Variants in PPP1R17 observed in about 807,000 individuals in gnomAD.
The protein encoded by PPP1R17 is G-substrate.
Under a neutral mutation model 15.9 loss-of-function variants are expected in PPP1R17, and 12 were observed. The observed-to-expected ratio is 0.75, with a 90% CI of 0.48 to 1.22. The LOEUF is 1.22. Among genes scored for constraint, PPP1R17 ranks in the 50% most tolerant of loss-of-function variants. PPP1R17 has a pLI of 0.00. For synonymous variants in PPP1R17, 63 were observed against 64.5 expected, an observed-to-expected ratio of 0.98 and a Z score of 0.11; for missense variants, 211 against 187.3, an observed-to-expected ratio of 1.13 and a Z score of -0.74.
rs1792400544 is a variant in PPP1R17, at chr7:31,692,519, C to G, written c.78C>G (p.His26Gln). Reference sequence around the variant, plus strand: ...ACAAGCTAGACCCTCGTTGCAGCCACTTAGGTAAACAAATGATCGATTGTG... The same window carrying G: ...ACAAGCTAGACCCTCGTTGCAGCCAGTTAGGTAAACAAATGATCGATTGTG... ...RLDKLDPRCS[H>Q]LDDLSDQFIK... is the part of the protein sequence containing the mutation. The change falls in exon 2 of 5, where the codon CAC (histidine) becomes CAG (glutamine). Residue 26 changes from histidine (H) to glutamine (Q), a missense_variant. By Grantham distance (24) the His-to-Gln change is conservative. Transcript: ENST00000342032. 1 of 1,595,836 alleles carries G rather than the reference C, an allele frequency of 6.3e-7. No individual in the cohort carries two copies. Among genetic ancestry groups the G allele is most frequent in the Non-Finnish European group, 8.6e-7 (1 of 1,163,632 alleles).
intron 4 of PPP1R17, among the ~76,000 whole-genome samples, chr7:31,698,801 G>A (rs1792722859): frequency 6.6e-6 from 1 of 152,156 alleles, no homozygotes; most frequent in South Asian, 2.1e-4. Context: ...AGATTTCCAA[G>A]GTGCACAGGA....
intron 1 of PPP1R17, among the ~76,000 whole-genome samples, chr7:31,691,725 T>C (rs927428129): frequency 1.3e-5 from 2 of 150,554 alleles, no homozygotes; most frequent in African/African-American, 4.9e-5. Flanking sequence ...CCTACCATGT[T>C]TCTACCACCA....
chr7:31,705,746 G>A (rs537307548), intron 4 of PPP1R17, among the ~76,000 whole-genome samples: 28 of 151,990 alleles, frequency 1.8e-4, no homozygotes, highest in South Asian at 1.5e-3. Context: ...ACTGGAAGGC[G>A]TCTCATTATG....
intron 4 of PPP1R17, among the ~76,000 whole-genome samples, chr7:31,705,203 T>C (rs1005804685): frequency 6.6e-6 from 1 of 152,136 alleles, no homozygotes; most frequent in African/African-American, 2.4e-5. Flanking sequence ...CCAGGAACTT[T>C]TGGGGAGTCA....
At chr7:31,689,653 G>A (rs1792256039) in intron 1 of PPP1R17, among the ~76,000 whole-genome samples, 1 of 152,124 alleles carries the variant, frequency 6.6e-6, no homozygotes, top group African/African-American at 2.4e-5. Context: ...TGAGTTGAGA[G>A]ATGGGGTCAT....
intron 1 of PPP1R17, among the ~76,000 whole-genome samples, chr7:31,691,635 G>T (rs1792346078): frequency 6.6e-6 from 1 of 151,902 alleles, no homozygotes; most frequent in Admixed American, 6.5e-5. Flanking sequence ...AAGATGGAGG[G>T]TGGGGACGGG....
At chr7:31,692,688 C>CTATT (rs1283802969) in intron 2 of PPP1R17, among the ~76,000 whole-genome samples, 165 bp downstream of exon 2, 1 of 152,158 alleles carries the variant, frequency 6.6e-6, no homozygotes, top group African/African-American at 2.4e-5. Flanking sequence ...AGCCATGGGT[C>CTATT]TGTGGGGTCT....
chr7:31,702,647 G>T (rs1792901677), intron 4 of PPP1R17, among the ~76,000 whole-genome samples: 1 of 152,072 alleles, frequency 6.6e-6, no homozygotes. Flanking sequence ...TCTTCTTGTT[G>T]CCTGTATTGT....
At chr7:31,706,724 C>T (rs1192539913) in intron 4 of PPP1R17, among the ~76,000 whole-genome samples, 4 of 152,208 alleles carry the variant, frequency 2.6e-5, no homozygotes, top group Admixed American at 1.3e-4. Flanking sequence ...CAGGAAAAGC[C>T]GACATTTACT....
chr7:31,693,511 T>C (rs1411037901), intron 2 of PPP1R17, among the ~76,000 whole-genome samples: 3 of 152,178 alleles, frequency 2.0e-5, no homozygotes, highest in Non-Finnish European at 4.4e-5. Flanking sequence ...ACCCCTCAGC[T>C]TTTTACCTGG....
At chr7:31,696,846 G>A in intron 3 of PPP1R17, 119 bp from the exon 4 acceptor site, 1 of 1,156,932 alleles carries the variant, frequency 8.6e-7, no homozygotes, top group Admixed American at 2.6e-5. Flanking sequence ...CTTTATTAAA[G>A]TAAGTTTGGA....
intron 4 of PPP1R17, among the ~76,000 whole-genome samples, chr7:31,704,515 G>A (rs1350142682): frequency 4.6e-5 from 7 of 152,304 alleles, no homozygotes; most frequent in Non-Finnish European, 1.5e-5. Context: ...AATCCCTACT[G>A]CATTCTAAGT....
intron 2 of PPP1R17, among the ~76,000 whole-genome samples, chr7:31,694,380 T>TCAAACACACACA (rs1250440023): frequency 0.025 from 2,746 of 108,968 alleles, 77 homozygotes; most frequent in African/African-American, 0.099. Context: ...TCTCTCTCTC[T>TCAAACACACACA]CTCTCAAACA....
intron 1 of PPP1R17, among the ~76,000 whole-genome samples, chr7:31,690,149 C>T (rs1792279514): frequency 6.6e-6 from 1 of 152,314 alleles, no homozygotes; most frequent in Middle Eastern, 3.4e-3. Flanking sequence ...AGGCCTGGAC[C>T]TCCCGTGGCT....
At chr7:31,692,088 A>G (rs1019363384) in intron 1 of PPP1R17, among the ~76,000 whole-genome samples, 9 of 152,206 alleles carry the variant, frequency 5.9e-5, no homozygotes, top group Admixed American at 5.2e-4. Context: ...CTCTCAGCTA[A>G]TTCACTTCTT....
At chr7:31,696,161 C>T (rs1282524379) in intron 3 of PPP1R17, 2 of 152,266 alleles carry the variant, frequency 1.3e-5, no homozygotes, top group African/African-American at 4.8e-5. Flanking sequence ...TCTGTAACAC[C>T]CTTGGATGTG....
chr7:31,702,678 T>TA (rs1792903341), intron 4 of PPP1R17, among the ~76,000 whole-genome samples: 1 of 152,250 alleles, frequency 6.6e-6, no homozygotes, highest in South Asian at 2.1e-4. Flanking sequence ...TAAATTGACT[T>TA]ACATCAACAA....
intron 1 of PPP1R17, among the ~76,000 whole-genome samples, chr7:31,689,047 T>C (rs547064013): frequency 6.6e-6 from 1 of 152,356 alleles, no homozygotes; most frequent in South Asian, 2.1e-4. Flanking sequence ...AAATAATGGA[T>C]GTGACTGCTG....
intron 1 of PPP1R17, among the ~76,000 whole-genome samples, chr7:31,689,073 C>T (rs1412627960): frequency 6.6e-5 from 10 of 152,150 alleles, no homozygotes; most frequent in Admixed American, 4.6e-4. Context: ...CCTTGAGACC[C>T]CTCTAGAGCT....
Sources: gnomAD v4.1 joint callset for allele counts (sites outside exome capture counted in the v4.1 genomes callset) on GRCh38, gnomAD v4.1.1 for gene constraint, MANE v1.5 for transcripts, NCBI Gene and HGNC (gene_info 2026-07-23, HGNC 2026-07-21) for gene names.